Variants in CHL1 observed in about 807,000 individuals in gnomAD.
CHL1 encodes neural cell adhesion molecule L1-like protein.
Under a neutral mutation model 141.9 loss-of-function variants are expected in CHL1, and 96 were observed. The observed-to-expected ratio is 0.68, with a 90% CI of 0.57 to 0.80. The LOEUF is 0.80. CHL1 is among the 30% of genes least tolerant of loss of function. The pLI is 0.00. For missense variants in CHL1, 1,820 were observed against 1,457.2 expected, an observed-to-expected ratio of 1.25 and a Z score of -4.05; for synonymous variants, 613 against 502.2, an observed-to-expected ratio of 1.22 and a Z score of -2.95.
chr3:203,753 C>G (rs950287301), intron 1 of CHL1, among the ~76,000 whole-genome samples: 2 of 152,202 alleles, frequency 1.3e-5, no homozygotes, highest in Non-Finnish European at 2.9e-5. Context: ...TGCTTCTACC[C>G]CAAGATTTCC....
intron 2 of CHL1, among the ~76,000 whole-genome samples, chr3:245,905 A>T (rs1471285113): frequency 6.6e-6 from 1 of 152,108 alleles, no homozygotes; most frequent in Non-Finnish European, 1.5e-5. Context: ...CTATTTTTAG[A>T]TCTTCACTTG....
intron 2 of CHL1, among the ~76,000 whole-genome samples, chr3:254,624 C>A (rs114606209): frequency 1.3e-5 from 2 of 152,204 alleles, no homozygotes; most frequent in African/African-American, 2.4e-5. Flanking sequence ...GACTGGATAC[C>A]TTGTGGATAG....
At chr3:324,469 A>C (rs764189475) in intron 3 of CHL1, among the ~76,000 whole-genome samples, 1 of 152,004 alleles carries the variant, frequency 6.6e-6, no homozygotes, top group African/African-American at 2.4e-5. Flanking sequence ...AGATCTTTAC[A>C]CACTTCATGA....
chr3:292,400 A>G (rs567617472), intron 2 of CHL1, among the ~76,000 whole-genome samples: 4 of 152,340 alleles, frequency 2.6e-5, no homozygotes, highest in Admixed American at 2.6e-4. Flanking sequence ...ATGGAAAGCA[A>G]GAATCAGGTT....
chr3:245,323 G>T (rs1224916559), intron 2 of CHL1, among the ~76,000 whole-genome samples: 1 of 152,168 alleles, frequency 6.6e-6, no homozygotes. Flanking sequence ...TTCTAGGTAA[G>T]CTGTTTAGCT....
intron 5 of CHL1, among the ~76,000 whole-genome samples, chr3:337,185 GTTTTTGTT>G (rs1701936332): frequency 1.2e-5 from 1 of 81,130 alleles, no homozygotes; most frequent in South Asian, 3.9e-4. Context: ...ACATTCTTTT[GTTTTTGTT>G]TTTTTTTTTT....
rs563791291 is a variant in CHL1 at position 271,398 on chromosome 3, C to A, written c.-95+26706C>A. On this transcript the variant is annotated intron_variant, in intron 2 of 27. Transcript: ENST00000256509. The stretch of plus-strand genomic sequence containing the variant: ...AGACTGCAGTGAGCTGTGATTACAC[C>A]ACTGCACTCCAGCCTGGGCAATAGA... Among the ~76,000 whole-genome samples, 11 of 152,282 alleles carry A rather than the reference C, an allele frequency of 7.2e-5. No individual in the cohort carries two copies. In the South Asian group the frequency reaches 2.1e-3, roughly 29 times the overall value.
At chr3:249,409 G>A (rs923253042) in intron 2 of CHL1, among the ~76,000 whole-genome samples, 1 of 152,012 alleles carries the variant, frequency 6.6e-6, no homozygotes, top group Non-Finnish European at 1.5e-5. Context: ...AAAGAAGAAA[G>A]GGGAAAAAAG....
At chr3:291,562 A>G (rs577745161) in intron 2 of CHL1, among the ~76,000 whole-genome samples, 24 of 152,046 alleles carry the variant, frequency 1.6e-4, no homozygotes, top group Admixed American at 1.1e-3. Flanking sequence ...AGGATCACTG[A>G]TATAAAACCT....
At chr3:201,168 A>G (rs909646295) in intron 1 of CHL1, among the ~76,000 whole-genome samples, 2 of 152,216 alleles carry the variant, frequency 1.3e-5, no homozygotes, top group African/African-American at 4.8e-5. Flanking sequence ...CACAAAGTAG[A>G]GTAGAGCTGT....
At chr3:380,463 C>A (rs60488677) in intron 16 of CHL1, among the ~76,000 whole-genome samples, 1,936 of 152,204 alleles carry the variant, frequency 0.013, 39 homozygotes, top group African/African-American at 0.044. Context: ...GAATTCAAAC[C>A]CAATTTTCAG....
intron 2 of CHL1, among the ~76,000 whole-genome samples, chr3:245,944 A>G (rs1477197043): frequency 6.6e-6 from 1 of 152,112 alleles, no homozygotes; most frequent in Non-Finnish European, 1.5e-5. Flanking sequence ...GGTTCTCCAT[A>G]CAGACTTTCT....
chr3:382,748 TGATA>T (rs1259931079), intron 18 of CHL1, 77 bp downstream of exon 18: 8 of 1,248,194 alleles, frequency 6.4e-6, no homozygotes, highest in Non-Finnish European at 9.3e-6. Context: ...AAAAAAAGAT[TGATA>T]GAGTAATGTA....
intron 2 of CHL1, chr3:282,680 A>G (rs1330888669): frequency 6.6e-6 from 1 of 152,248 alleles, no homozygotes; most frequent in East Asian, 1.9e-4. Context: ...TGAATATGTC[A>G]TCCCACTGAA....
intron 2 of CHL1, among the ~76,000 whole-genome samples, chr3:316,139 T>G (rs1173326190): frequency 6.6e-6 from 1 of 152,072 alleles, no homozygotes; most frequent in South Asian, 2.1e-4. Flanking sequence ...TGCTCCTTAC[T>G]GTACATGTGG....
At chr3:304,019 GAT>G (rs1028784195) in intron 2 of CHL1, among the ~76,000 whole-genome samples, 3 of 152,168 alleles carry the variant, frequency 2.0e-5, no homozygotes, top group African/African-American at 7.2e-5. Flanking sequence ...TTGTGTGATG[GAT>G]TGCATGTATT....
At chr3:334,081 C>G (rs529435557) in intron 5 of CHL1, among the ~76,000 whole-genome samples, 1 of 152,214 alleles carries the variant, frequency 6.6e-6, no homozygotes, top group East Asian at 1.9e-4. Flanking sequence ...CTAAACCTAC[C>G]CAGTAGCTGG....
At chr3:370,648 C>T (rs1054351937) in intron 15 of CHL1, among the ~76,000 whole-genome samples, 3 of 151,796 alleles carry the variant, frequency 2.0e-5, no homozygotes, top group African/African-American at 7.3e-5. Context: ...CTTCTGCTAG[C>T]TCTTGGATTA....
intron 16 of CHL1, 90 bp downstream of exon 16, chr3:378,032 G>A (rs1311663683): frequency 8.4e-7 from 1 of 1,187,096 alleles, no homozygotes; most frequent in East Asian, 2.6e-5. Flanking sequence ...ATGATTCTTT[G>A]AGCCCCTGCA....
Sources: allele counts gnomAD v4.1 joint callset (sites outside exome capture counted in the v4.1 genomes callset), GRCh38; gene constraint gnomAD v4.1.1; transcripts MANE v1.5; gene names NCBI Gene and HGNC (gene_info 2026-07-23, HGNC 2026-07-21).